Variants in ZNF729 observed in about 807,000 individuals in gnomAD.
The protein encoded by ZNF729 is zinc finger protein 729.
Under a neutral mutation model 12.2 loss-of-function variants are expected in ZNF729, and 15 were observed. The ratio of observed to expected loss-of-function variants is 1.23; its 90% CI spans 0.82 to 1.89. The LOEUF (loss-of-function observed/expected upper bound fraction) is 1.89. ZNF729 is among the 40% of genes most tolerant of loss of function. The pLI is 0.00. For synonymous variants in ZNF729, 492 were observed against 476.3 expected (o/e 1.03, Z -0.43); for missense variants, 1,540 against 1,456.7 (o/e 1.06, Z -0.93).
chr19:22,288,942 C>G (rs1422671082), intron 1 of ZNF729, among the ~76,000 whole-genome samples: 1 of 152,074 alleles, frequency 6.6e-6, no homozygotes, highest in Non-Finnish European at 1.5e-5. Flanking sequence ...GGGGCACTCA[C>G]TGGGGCTTAA....
chr19:22,303,640 C>A lies in ZNF729; in HGVS notation c.31-118C>A. ...AATTATTTTATTGGATATGTTCGGTCATCCCTATAAGTTAGAATCTGTTCT... is the reference window on the plus strand; with the variant it reads ...AATTATTTTATTGGATATGTTCGGTAATCCCTATAAGTTAGAATCTGTTCT... On this transcript the variant is annotated intron_variant, in intron 1 of 3. Transcript: ENST00000601693. 4 of 920,142 alleles carry A rather than the reference C, an allele frequency of 4.3e-6. No individual in the cohort carries two copies. In the South Asian group the frequency reaches 6.9e-5, roughly 16 times the overall value. The allele number at this position is 920,142 out of a possible 1,614,324, so 57.0% of individuals were successfully genotyped here. A position where few individuals can be genotyped will look rare whatever the true frequency, so the allele number is the denominator to read the frequency against.
intron 1 of ZNF729, among the ~76,000 whole-genome samples, chr19:22,298,675 G>A (rs1443848628): frequency 6.6e-6 from 1 of 152,012 alleles, no homozygotes; most frequent in East Asian, 1.9e-4. Context: ...CACCATGCCT[G>A]GCTAATTTTT....
chr19:22,297,555 CAT>C (rs1482926485), intron 1 of ZNF729, among the ~76,000 whole-genome samples: 4 of 151,382 alleles, frequency 2.6e-5, no homozygotes, highest in African/African-American at 7.3e-5. Context: ...ATATATAAAT[CAT>C]ATTAAAACAA....
At position 22,307,722 on chromosome 19, in the gene ZNF729, A is replaced by C. The variant is rs564509695; in HGVS notation, c.253+2939A>C. Among the ~76,000 whole-genome samples, 7 of 149,842 alleles carry C rather than the reference A, an allele frequency of 4.7e-5. No individual in the cohort carries two copies. In the South Asian group the frequency reaches 1.5e-3, roughly 32 times the overall value. On this transcript the variant is annotated intron_variant, in intron 3 of 3. Coordinates refer to ENST00000601693, the MANE Select transcript of ZNF729 (RefSeq NM_001242680.2). ...CCCACCATTGCACTCCAGCCTGGGC[A>C]ACAAGAGCAAAACTCCATCAAAAAA...
At chr19:22,300,355 C>T (rs755938912) in intron 1 of ZNF729, among the ~76,000 whole-genome samples, 1 of 152,148 alleles carries the variant, frequency 6.6e-6, no homozygotes, top group Non-Finnish European at 1.5e-5. Context: ...ATGCATGTCA[C>T]ATTCAGGTTT....
At chr19:22,307,300 G>A (rs1025656326) in intron 3 of ZNF729, among the ~76,000 whole-genome samples, 6 of 146,158 alleles carry the variant, frequency 4.1e-5, no homozygotes, top group East Asian at 2.0e-4. Flanking sequence ...GCCACTGTGC[G>A]TGTCCACAAT....
intron 3 of ZNF729, among the ~76,000 whole-genome samples, chr19:22,307,078 G>T (rs1240638981): frequency 2.0e-5 from 3 of 151,320 alleles, no homozygotes; most frequent in Non-Finnish European, 4.4e-5. Context: ...TTCTATATGT[G>T]TCTGTATAAT....
At chr19:22,291,075 T>A (rs2145040057) in intron 1 of ZNF729, among the ~76,000 whole-genome samples, 1 of 152,320 alleles carries the variant, frequency 6.6e-6, no homozygotes, top group East Asian at 1.9e-4. Flanking sequence ...AATCAGGGTC[T>A]GTGCTGACTC....
Position 22,316,977 on chromosome 19 carries a change from C to G in ZNF729, c.3560C>G (p.Pro1187Arg). 2 of 1,612,700 alleles carry G rather than the reference C, an allele frequency of 1.2e-6. No homozygotes were observed. The highest frequency in any genetic ancestry group is 8.5e-7 in the Non-Finnish European group (1 of 1,179,968). ...AAAACAATTCATACTGGAGAGAAAC[C>G]CTACAAATGTGAAGAATGTGGCAAA... ...RHKTIHTGEK[P>R]YKCEECGKAF... Residue 1187 changes from proline to arginine, a missense_variant, in exon 4 of 4, where the codon CCC (proline) becomes CGC (arginine). Coordinates refer to ENST00000601693, the MANE Select transcript of ZNF729 (RefSeq NM_001242680.2).
intron 3 of ZNF729, among the ~76,000 whole-genome samples, chr19:22,305,672 A>G (rs1968369594): frequency 1.3e-5 from 2 of 152,176 alleles, no homozygotes; most frequent in African/African-American, 4.8e-5. Flanking sequence ...TACTATTTGC[A>G]TGAAATATAA....
At position 22,315,048 on chromosome 19, in the gene ZNF729, A is replaced by T. The variant is rs1187340277; in HGVS notation, c.1631A>T (p.Tyr544Phe). 1 of 1,611,496 alleles carries T rather than the reference A, an allele frequency of 6.2e-7. No individual in the cohort carries two copies. The highest frequency in any genetic ancestry group is 1.1e-5 in the South Asian group (1 of 91,058). Residue 544 changes from tyrosine to phenylalanine, a missense_variant, in exon 4 of 4, where the codon TAC becomes TTC. By Grantham distance (22) the Tyr-to-Phe change is conservative. Transcript: ENST00000601693. The stretch of plus-strand genomic sequence containing the variant: ...ATAATTCATACTGGAGAGAAACCCT[A>T]CAAATGTGAAGAATGTGGTAAAGCT... ...HQIIHTGEKP[Y>F]KCEECGKAFK...
At chr19:22,287,360 G>A (rs1968093196) in intron 1 of ZNF729, among the ~76,000 whole-genome samples, 1 of 151,644 alleles carries the variant, frequency 6.6e-6, no homozygotes, top group Non-Finnish European at 1.5e-5. Flanking sequence ...TCCGCCTCCC[G>A]GGTTCAAGCG....
rs1268395338 is a variant in ZNF729, at chr19:22,316,206, A to G, written c.2789A>G (p.His930Arg). The G allele has an allele frequency of 3.7e-6, 6 of 1,613,084 alleles. No individual in the cohort carries two copies. The Admixed American group carries it at 1.0e-4, about 27-fold the overall frequency. Residue 930 changes from histidine to arginine, a missense_variant, in exon 4 of 4, where the codon CAT (histidine) becomes CGT (arginine). Physicochemically the swap from His to Arg is conservative, Grantham distance 29. Transcript: ENST00000601693. ...FSALRKHKII[H>R]TGKKPYKCEE... Reference sequence around the variant, plus strand: ...GCCCTTAGAAAACATAAGATAATTCATACTGGAAAGAAACCCTACAAATGT... The same window carrying G: ...GCCCTTAGAAAACATAAGATAATTCGTACTGGAAAGAAACCCTACAAATGT...
At position 22,303,905 on chromosome 19, in the gene ZNF729, G is replaced by A. The variant is rs778840546; in HGVS notation, c.157+21G>A. On this transcript the variant is annotated intron_variant, in intron 2 of 3. Transcript: ENST00000601693. ...CCTGGGTGAGGATAATTTTAATTAA[G>A]CAATTCCTATTATATTCTATAGGTT... 7.1e-6 allele frequency: 11 copies of A among 1,550,520 alleles called. No individual in the cohort carries two copies. The African/African-American group carries it at 1.5e-4, about 21-fold the overall frequency.
chr19:22,302,959 G>A (rs1483930193), intron 1 of ZNF729, among the ~76,000 whole-genome samples: 1 of 152,122 alleles, frequency 6.6e-6, no homozygotes, highest in Non-Finnish European at 1.5e-5. Context: ...ACTATTATTA[G>A]AGATGGGGTT....
At chr19:22,302,977 G>A (rs1359768217) in intron 1 of ZNF729, among the ~76,000 whole-genome samples, 1 of 152,138 alleles carries the variant, frequency 6.6e-6, no homozygotes, top group African/African-American at 2.4e-5. Context: ...GTTTCACCAT[G>A]TTGGCCAGGC....
At position 22,314,831 on chromosome 19, in the gene ZNF729, T is replaced by C; in HGVS notation, c.1414T>C (p.Ser472Pro). The change falls in exon 4 of 4, where the codon TCC becomes CCC. Residue 472 changes from serine to proline, a missense_variant. Coordinates refer to ENST00000601693, the MANE Select transcript of ZNF729 (RefSeq NM_001242680.2). ...AGAATGTGGCAAAGCTTTTAGGCAA[T>C]CCTCACACCTTACTAGACATAAAGC... Reference protein sequence around the residue: ...CEECGKAFRQSSHLTRHKAIH... With the variant: ...CEECGKAFRQPSHLTRHKAIH... The C allele has an allele frequency of 1.9e-6, 3 of 1,613,524 alleles. No individual in the cohort carries two copies. Among genetic ancestry groups the C allele is most frequent in the Non-Finnish European group, 2.5e-6 (3 of 1,179,852 alleles).
In ZNF729 at chr19:22,303,480, CAT is replaced by C. The variant is rs528285267; in HGVS notation, c.31-277_31-276del. On this transcript the variant is annotated intron_variant, in intron 1 of 3. Coordinates refer to ENST00000601693, the MANE Select transcript of ZNF729 (RefSeq NM_001242680.2). ...ATGTAAATATAGCACAAAAAATGTA[CAT>C]GTTTGTTATCATGCCATTAGTTTTA... Among the ~76,000 whole-genome samples, 221 of 152,226 alleles carry C rather than the reference CAT, an allele frequency of 1.5e-3. 1 individual carries two copies. The highest frequency in any genetic ancestry group is 5.0e-3 in the African/African-American group (209 of 41,534).
chr19:22,302,791 AAG>A (rs759209467), intron 1 of ZNF729, among the ~76,000 whole-genome samples: 3 of 152,286 alleles, frequency 2.0e-5, no homozygotes, highest in Non-Finnish European at 2.9e-5. Context: ...AACTGGATAA[AAG>A]AGATTAGAGT....
Sources: allele counts gnomAD v4.1 joint callset (sites outside exome capture counted in the v4.1 genomes callset), GRCh38; gene constraint gnomAD v4.1.1; transcripts MANE v1.5; gene names NCBI Gene and HGNC (gene_info 2026-07-23, HGNC 2026-07-21).